Variants in MAPK10 observed in about 807,000 individuals in gnomAD.
MAPK10 encodes JNK3 alpha protein kinase.
A neutral mutation model predicts 59.3 loss-of-function variants in MAPK10; 25 were observed. That is an observed-to-expected ratio of 0.42 (90% CI 0.31 to 0.59). MAPK10 has a LOEUF of 0.59. Ranked by LOEUF, MAPK10 falls within the 20% of genes least tolerant of loss-of-function variation. The pLI is 0.15. For synonymous variants in MAPK10, 190 were observed against 200.5 expected, an observed-to-expected ratio of 0.95 and a Z score of 0.44; for missense variants, 351 against 568.9, an observed-to-expected ratio of 0.62 and a Z score of 3.90.
intron 2 of MAPK10, among the ~76,000 whole-genome samples, chr4:86,317,661 A>C (rs1388690203): frequency 6.6e-6 from 1 of 152,206 alleles, no homozygotes; most frequent in African/African-American, 2.4e-5. Context: ...GCAGGTGCTA[A>C]ATACTCAAGA....
chr4:86,182,172 C>T (rs542198913), intron 3 of MAPK10, among the ~76,000 whole-genome samples: 1 of 151,892 alleles, frequency 6.6e-6, no homozygotes, highest in East Asian at 1.9e-4. Context: ...AACAAGAAGC[C>T]TCTTGCCTTC....
intron 11 of MAPK10, among the ~76,000 whole-genome samples, chr4:86,047,879 A>G (rs919990239): frequency 2.6e-5 from 4 of 152,164 alleles, no homozygotes; most frequent in Non-Finnish European, 5.9e-5. Context: ...AATTCTAGGC[A>G]TTCTGCAGAA....
chr4:86,052,517 C>T (rs1047362115), intron 11 of MAPK10, among the ~76,000 whole-genome samples: 2 of 152,020 alleles, frequency 1.3e-5, no homozygotes, highest in African/African-American at 4.8e-5. Context: ...CCCAGAAGTT[C>T]CTCTAAGGAA....
At chr4:86,200,504 T>C (rs1306314852) in intron 2 of MAPK10, among the ~76,000 whole-genome samples, 2 of 151,978 alleles carry the variant, frequency 1.3e-5, no homozygotes, top group Non-Finnish European at 2.9e-5. Context: ...AATTGTCCCT[T>C]TCCATTGCTG....
At chr4:86,241,850 CTG>C (rs1338571293) in intron 2 of MAPK10, among the ~76,000 whole-genome samples, 1 of 152,174 alleles carries the variant, frequency 6.6e-6, no homozygotes, top group Admixed American at 6.5e-5. Context: ...ATCTGATCCT[CTG>C]TCTAGTTCTT....
Position 86,017,068 on chromosome 4 carries a change from G to T in MAPK10, c.*160C>A. The stretch of plus-strand genomic sequence containing the variant: ...TGCAATACAGAACCCTGGGGAAGAA[G>T]CAGGCTGAAAGATTTATTTAATTTT... On this transcript the variant is annotated 3_prime_UTR_variant, in exon 14 of 14. Transcript: ENST00000641462. The surrounding 1 kb of genome is among the most constrained non-coding windows in gnomAD (Gnocchi z 4.4). 1.3e-6 allele frequency: 1 copy of T among 751,484 alleles called. No homozygotes were observed. Among genetic ancestry groups the T allele is most frequent in the Non-Finnish European group, 2.1e-6 (1 of 474,940 alleles). 46.6% of individuals were successfully genotyped at this position (751,484 alleles called of 1,614,324 possible).
chr4:86,505,584 T>A (rs937051064), intron 1 of MAPK10, among the ~76,000 whole-genome samples: 1 of 152,050 alleles, frequency 6.6e-6, no homozygotes, highest in Non-Finnish European at 1.5e-5. Context: ...GAGACCCTGT[T>A]TTTAAAAAAA....
At chr4:86,406,484 A>G (rs1744381574) in intron 1 of MAPK10, among the ~76,000 whole-genome samples, 1 of 152,188 alleles carries the variant, frequency 6.6e-6, no homozygotes, top group African/African-American at 2.4e-5. Context: ...TTTTAACCCA[A>G]CTCAGTGTAG....
chr4:86,532,286 G>A (rs534458111), intron 1 of MAPK10, among the ~76,000 whole-genome samples: 15 of 152,116 alleles, frequency 9.9e-5, no homozygotes, highest in African/African-American at 3.1e-4. Flanking sequence ...CCTAGGAGAT[G>A]GAGACATTTC....
rs1312024172 is a variant in MAPK10, at chr4:86,518,565, C to T, written c.-263+75345G>A. On this transcript the variant is annotated intron_variant, in intron 1 of 4. Transcript: ENST00000502302. The stretch of plus-strand genomic sequence containing the variant: ...TTTTGTATATCTTTTCAAAAACCAG[C>T]TTTTTGTTTCATTTATCTTTTGTAT... 2.7e-5 allele frequency among the ~76,000 whole-genome samples: 4 copies of T among 149,970 alleles called. No homozygotes were observed. The East Asian group carries it at 7.7e-4, about 29-fold the overall frequency.
At chr4:86,248,756 G>A (rs1293690000) in intron 2 of MAPK10, among the ~76,000 whole-genome samples, 1 of 152,164 alleles carries the variant, frequency 6.6e-6, no homozygotes, top group Non-Finnish European at 1.5e-5. Context: ...GTAGACTGAG[G>A]CAAAGAGAAA....
chr4:86,193,568 T>A (rs2080459134), intron 3 of MAPK10: 2 of 152,348 alleles, frequency 1.3e-5, no homozygotes, highest in Admixed American at 1.3e-4. Flanking sequence ...GAAAACCGTC[T>A]ACTCAAGCCT....
intron 1 of MAPK10, among the ~76,000 whole-genome samples, chr4:86,391,787 C>T (rs1284327659): frequency 6.6e-6 from 1 of 152,120 alleles, no homozygotes; most frequent in Non-Finnish European, 1.5e-5. Flanking sequence ...GTGACGTGAA[C>T]CATTGTCTTT....
At chr4:86,409,259 A>G (rs191854622) in intron 1 of MAPK10, among the ~76,000 whole-genome samples, 4 of 152,194 alleles carry the variant, frequency 2.6e-5, no homozygotes, top group African/African-American at 4.8e-5. Flanking sequence ...ATTAGTCTAT[A>G]TATCTGTTTT....
chr4:86,251,203 T>G (rs28630852), intron 2 of MAPK10, among the ~76,000 whole-genome samples: 27,169 of 151,762 alleles, frequency 0.18, 2,738 homozygotes, highest in African/African-American at 0.27. Context: ...ACTTTAAATT[T>G]TAGGGTACAT....
At chr4:86,474,328 A>C (rs1011437368) in intron 1 of MAPK10, among the ~76,000 whole-genome samples, 2 of 152,238 alleles carry the variant, frequency 1.3e-5, no homozygotes, top group Non-Finnish European at 2.9e-5. Context: ...GCTTGTATAT[A>C]CATTAATTGA....
chr4:86,101,641 C>A (rs905710075), intron 7 of MAPK10, among the ~76,000 whole-genome samples: 1 of 152,052 alleles, frequency 6.6e-6, no homozygotes. Flanking sequence ...TGACTTCTGC[C>A]AATCAAGGAG....
At chr4:86,061,218 T>C (rs2045695089) in intron 11 of MAPK10, among the ~76,000 whole-genome samples, 1 of 152,178 alleles carries the variant, frequency 6.6e-6, no homozygotes, top group South Asian at 2.1e-4. Flanking sequence ...TTCATACCTA[T>C]GAAGATGCAA....
chr4:86,496,773 G>A (rs1486207624), intron 1 of MAPK10, among the ~76,000 whole-genome samples: 1 of 152,102 alleles, frequency 6.6e-6, no homozygotes, highest in East Asian at 1.9e-4. Context: ...TTTCTGGTGA[G>A]TTAGAGGAGA....
Sources: gnomAD v4.1 joint callset for allele counts (sites outside exome capture counted in the v4.1 genomes callset) on GRCh38, gnomAD v4.1.1 for gene constraint, Gnocchi (gnomAD v3.1) non-coding constraint, MANE v1.5 for transcripts, NCBI Gene and HGNC (gene_info 2026-07-23, HGNC 2026-07-21) for gene names.